Variants in ZNF701 observed in about 807,000 individuals in gnomAD.
ZNF701 encodes zinc finger protein 701.
Under a neutral mutation model 7.1 loss-of-function variants are expected in ZNF701, and 6 were observed. The observed-to-expected ratio is 0.84, with a 90% CI of 0.46 to 1.66. The LOEUF (loss-of-function observed/expected upper bound fraction) is 1.66, where lower values mean the gene tolerates loss of function less well. Among genes scored for constraint, ZNF701 ranks in the 40% most tolerant of loss-of-function variants. ZNF701 has a pLI of 0.01. For missense variants in ZNF701, 541 were observed against 559.2 expected (o/e 0.97, Z 0.33); for synonymous variants, 166 against 188.2 (o/e 0.88, Z 0.97).
At chr19:52,570,367 C>A in intron 1 of ZNF701, 37 bp downstream of exon 1, 1 of 152,824 alleles carries the variant, frequency 6.5e-6, no homozygotes. Context: ...GTCTGCACTC[C>A]CCATATCCCC....
In ZNF701 at chr19:52,582,541, G is replaced by T. The variant is rs1323580021; in HGVS notation, c.482G>T (p.Gly161Val). 6.2e-7 allele frequency: 1 copy of T among 1,614,052 alleles called. No individual in the cohort carries two copies. ...VHIFHPEGKI[G>V]NQVEKAINDA... is the part of the protein sequence containing the mutation. ...ATATTTCACCCCGAAGGGAAAATTG[G>T]TAATCAAGTTGAGAAGGCTATCAAC... Residue 161 changes from glycine (G) to valine (V), a missense_variant, in exon 4 of 4, where the codon GGT (glycine) becomes GTT (valine). Coordinates refer to ENST00000391785, the MANE Select transcript of ZNF701 (RefSeq NM_018260.3).
intron 3 of ZNF701, among the ~76,000 whole-genome samples, chr19:52,581,662 G>A (rs557384472): frequency 3.2e-4 from 48 of 152,260 alleles, no homozygotes; most frequent in African/African-American, 1.1e-3. Flanking sequence ...TTATAAAGGC[G>A]TGGGCCACCA....
intron 1 of ZNF701, among the ~76,000 whole-genome samples, chr19:52,573,688 T>C (rs537769071): frequency 6.6e-4 from 101 of 152,268 alleles, no homozygotes; most frequent in African/African-American, 2.3e-3. Context: ...GCTAAGTTTT[T>C]GTATTTTTGG....
Position 52,583,528 on chromosome 19 carries a change from GAA to G in ZNF701, c.*73_*74del. ...GTCATCATAGACTTTATACTGGAGA[GAA>G]ACCTTACAAATGTGAAGAATGTGAC... is the stretch of plus-strand genomic sequence containing the variant. On this transcript the variant is annotated 3_prime_UTR_variant, in exon 4 of 4. Transcript: ENST00000391785. 1.0e-5 allele frequency: 16 copies of G among 1,601,602 alleles called. 1 individual carries two copies. The South Asian group carries it at 1.8e-4, about 18-fold the overall frequency.
chr19:52,595,815 C>A, the ZNF701 span: 3 of 1,609,582 alleles, frequency 1.9e-6, no homozygotes, highest in Non-Finnish European at 2.6e-6. Flanking sequence ...GCACCCATGA[C>A]AGAAACCAAA....
chr19:52,596,600 T>C, the ZNF701 span: 7 of 414,128 alleles, frequency 1.7e-5, no homozygotes, highest in South Asian at 1.3e-4. Flanking sequence ...GACTTCATAC[T>C]GGAGGGAAAT....
intron 1 of ZNF701, among the ~76,000 whole-genome samples, chr19:52,571,630 A>G (rs1423667023): frequency 2.0e-5 from 3 of 151,700 alleles, no homozygotes; most frequent in Non-Finnish European, 4.4e-5. Context: ...AAAGTGTTGG[A>G]ATTACAGGCG....
At position 52,583,487 on chromosome 19, in the gene ZNF701, C is replaced by T. The variant is rs1000538513; in HGVS notation, c.*30C>T. ...GTAAATTTGCAAGGTTTTTAGGCAA[C>T]AGTCAAACCTTGCATGTCATCATAG... On this transcript the variant is annotated 3_prime_UTR_variant, in exon 4 of 4. Transcript: ENST00000391785. 1.9e-6 allele frequency: 3 copies of T among 1,607,412 alleles called. No individual in the cohort carries two copies. The highest frequency in any genetic ancestry group is 2.7e-5 in the African/African-American group (2 of 74,666).
intron 3 of ZNF701, among the ~76,000 whole-genome samples, chr19:52,578,924 AT>A (rs1267637741): frequency 2.0e-5 from 3 of 150,554 alleles, no homozygotes; most frequent in Non-Finnish European, 2.9e-5. Flanking sequence ...CGCCTGGCTA[AT>A]TTTTTTGTAT....
chr19:52,572,219 T>A (rs2059905470), intron 1 of ZNF701: 3 of 343,118 alleles, frequency 8.7e-6, no homozygotes, highest in Non-Finnish European at 1.7e-5. Context: ...AACATCTAGA[T>A]AATTTTTGTA....
At chr19:52,595,224 C>G in the ZNF701 span, among the ~76,000 whole-genome samples, 1 of 150,480 alleles carries the variant, frequency 6.6e-6, no homozygotes, top group Non-Finnish European at 1.5e-5. Context: ...ATAACTGTTG[C>G]TTTTTGTGTA....
downstream of ZNF701, among the ~76,000 whole-genome samples, chr19:52,587,416 G>GACTT (rs1407578817): frequency 6.6e-6 from 1 of 152,116 alleles, no homozygotes; most frequent in Non-Finnish European, 1.5e-5. Context: ...CTATCTCAGG[G>GACTT]ACTTCTCCTG....
intron 2 of ZNF701, among the ~76,000 whole-genome samples, chr19:52,574,522 G>A (rs2059920882): frequency 6.6e-6 from 1 of 152,134 alleles, no homozygotes; most frequent in Non-Finnish European, 1.5e-5. Flanking sequence ...GCTGCCAATG[G>A]AAGTGACCTA....
the ZNF701 span, chr19:52,592,342 C>T: frequency 2.7e-6 from 3 of 1,120,574 alleles, no homozygotes; most frequent in Non-Finnish European, 3.8e-6. Context: ...ATGTACATGT[C>T]ATTGTTTTCT....
At chr19:52,599,062 CTT>C in the ZNF701 span, among the ~76,000 whole-genome samples, 5 of 150,756 alleles carry the variant, frequency 3.3e-5, no homozygotes, top group African/African-American at 7.3e-5. Flanking sequence ...GAGTTTTTCT[CTT>C]GTTACCCAGG....
intron 3 of ZNF701, among the ~76,000 whole-genome samples, chr19:52,580,378 C>A (rs2059967802): frequency 6.6e-6 from 1 of 152,068 alleles, no homozygotes; most frequent in Admixed American, 6.6e-5. Context: ...GTACCCACCA[C>A]CGTGCCCAGC....
At chr19:52,575,010 C>T (rs61493662) in intron 2 of ZNF701, among the ~76,000 whole-genome samples, 2,431 of 152,254 alleles carry the variant, frequency 0.016, 64 homozygotes, top group African/African-American at 0.055. Flanking sequence ...CGCTCTGTTG[C>T]CCAGGCTGTA....
downstream of ZNF701, among the ~76,000 whole-genome samples, chr19:52,589,008 C>A (rs146873186): frequency 1.4e-3 from 215 of 152,280 alleles, no homozygotes; most frequent in African/African-American, 5.0e-3. Context: ...TTCACTGTTA[C>A]CAAGAATAAC....
downstream of ZNF701, chr19:52,591,934 C>A: frequency 2.6e-6 from 1 of 389,120 alleles, no homozygotes; most frequent in South Asian, 4.1e-5. Context: ...AGGAAAAGTG[C>A]AATAAAATGC....
Sources: allele counts gnomAD v4.1 joint callset (sites outside exome capture counted in the v4.1 genomes callset), GRCh38; gene constraint gnomAD v4.1.1; transcripts MANE v1.5; gene names NCBI Gene and HGNC (gene_info 2026-07-23, HGNC 2026-07-21).